PPARGC1A: variants seen among roughly 807,000 people sequenced by gnomAD.
PPARGC1A encodes the protein peroxisome proliferator-activated receptor gamma coactivator 1-alpha.
In PPARGC1A, 25 loss-of-function variants were observed where a neutral mutation model predicts 88.7. That is an observed-to-expected ratio of 0.28 (90% CI 0.21 to 0.39). The LOEUF is 0.39. Among genes scored for constraint, PPARGC1A ranks in the 10% least tolerant of loss-of-function variants. PPARGC1A has a pLI of 1.00. For missense variants in PPARGC1A, 880 were observed against 968.7 expected (o/e 0.91, Z 1.22); for synonymous variants, 363 against 355.6 (o/e 1.02, Z -0.24).
chr4:23,952,066 C>A, the PPARGC1A span, among the ~76,000 whole-genome samples: 1 of 152,066 alleles, frequency 6.6e-6, no homozygotes, highest in African/African-American at 2.4e-5. Context: ...CCGATTGAGG[C>A]TATTGTACAA....
intron 7 of PPARGC1A, among the ~76,000 whole-genome samples, chr4:23,817,090 T>C (rs1288500055): frequency 6.6e-6 from 1 of 152,146 alleles, no homozygotes; most frequent in African/African-American, 2.4e-5. Flanking sequence ...GGTATACATA[T>C]CTTGACAGAT....
the PPARGC1A span, among the ~76,000 whole-genome samples, chr4:24,397,824 A>T: frequency 1.4e-4 from 22 of 152,376 alleles, no homozygotes; most frequent in African/African-American, 5.3e-4. Flanking sequence ...TTTGCTTAAA[A>T]CAGCGAGATG....
the PPARGC1A span, among the ~76,000 whole-genome samples, chr4:24,295,574 A>G: frequency 6.6e-6 from 1 of 151,924 alleles, no homozygotes; most frequent in African/African-American, 2.4e-5. Context: ...AGCAAGATTA[A>G]CAGGGTAGCT....
At chr4:24,049,445 G>C in the PPARGC1A span, among the ~76,000 whole-genome samples, 2 of 151,352 alleles carry the variant, frequency 1.3e-5, no homozygotes, top group African/African-American at 4.9e-5. Flanking sequence ...ATAGAATGGA[G>C]GGATAAGTCA....
the PPARGC1A span, among the ~76,000 whole-genome samples, chr4:24,387,797 AAAG>A: frequency 8.8e-6 from 1 of 113,206 alleles, no homozygotes; most frequent in African/African-American, 2.9e-5. Flanking sequence ...AGAAAGAAAG[AAAG>A]AAAGAAAGAA....
the PPARGC1A span, among the ~76,000 whole-genome samples, chr4:23,956,298 G>A: frequency 6.6e-6 from 1 of 152,036 alleles, no homozygotes; most frequent in Non-Finnish European, 1.5e-5. Context: ...CAATAGGTCT[G>A]AGGTGGGGTT....
rs35441966 is a variant in PPARGC1A, at chr4:23,818,675, T to TA, written c.878-4071dup. On this transcript the variant is annotated intron_variant, in intron 7 of 12. Transcript: ENST00000264867. ...CATCTTTTTAAACAGCCCTTTTATT[T>TA]AAAAAAAAAAGGCAAAGACAAGTTT... Among the ~76,000 whole-genome samples, 684 of 147,286 alleles carry TA rather than the reference T, an allele frequency of 4.6e-3. 14 individuals carry two copies. The East Asian group carries it at 0.055, about 12-fold the overall frequency.
chr4:24,139,035 C>T, the PPARGC1A span, among the ~76,000 whole-genome samples: 12 of 152,130 alleles, frequency 7.9e-5, no homozygotes, highest in Non-Finnish European at 1.6e-4. Flanking sequence ...TGGAGTTCTT[C>T]AGTGCAGTTT....
chr4:24,215,451 T>A, the PPARGC1A span, among the ~76,000 whole-genome samples: 1 of 152,072 alleles, frequency 6.6e-6, no homozygotes, highest in African/African-American at 2.4e-5. Flanking sequence ...GAAAAAAAAA[T>A]TATTTGGAAT....
the PPARGC1A span, among the ~76,000 whole-genome samples, chr4:24,444,734 C>T: frequency 5.3e-5 from 8 of 152,040 alleles, no homozygotes; most frequent in African/African-American, 1.9e-4. Context: ...GAATATTAGA[C>T]GAGCAAGTGA....
the PPARGC1A span, among the ~76,000 whole-genome samples, chr4:23,961,974 T>C: frequency 6.6e-6 from 1 of 152,092 alleles, no homozygotes; most frequent in Non-Finnish European, 1.5e-5. Flanking sequence ...CCAATAAAGA[T>C]AATGAGCATT....
chr4:24,460,699 C>T, the PPARGC1A span, among the ~76,000 whole-genome samples: 28 of 152,108 alleles, frequency 1.8e-4, no homozygotes, highest in African/African-American at 4.8e-5. Flanking sequence ...GCTATGTAAC[C>T]CTCTTCGTTT....
chr4:24,381,289 C>T, the PPARGC1A span, among the ~76,000 whole-genome samples: 3 of 152,214 alleles, frequency 2.0e-5, no homozygotes, highest in Admixed American at 6.5e-5. Context: ...GTAGCATGAA[C>T]AGGAGCTTAT....
chr4:23,930,281 T>C, the PPARGC1A span, among the ~76,000 whole-genome samples: 1 of 152,180 alleles, frequency 6.6e-6, no homozygotes, highest in Non-Finnish European at 1.5e-5. Flanking sequence ...AGCCCTCACA[T>C]TGTACCATTA....
At chr4:24,213,078 C>T in the PPARGC1A span, among the ~76,000 whole-genome samples, 2 of 151,910 alleles carry the variant, frequency 1.3e-5, no homozygotes, top group Non-Finnish European at 2.9e-5. Flanking sequence ...GTCTTCATGT[C>T]ATGCTTCTAA....
At chr4:24,445,023 A>C in the PPARGC1A span, among the ~76,000 whole-genome samples, 1 of 152,054 alleles carries the variant, frequency 6.6e-6, no homozygotes, top group Non-Finnish European at 1.5e-5. Flanking sequence ...CTTGCACTCC[A>C]GCCTGGGCAA....
chr4:24,153,117 A>C, the PPARGC1A span, among the ~76,000 whole-genome samples: 1 of 152,320 alleles, frequency 6.6e-6, no homozygotes, highest in African/African-American at 2.4e-5. Context: ...TGCAGAACTC[A>C]GATTCAGAGA....
At chr4:23,798,118 A>G (rs890242403) in intron 12 of PPARGC1A, among the ~76,000 whole-genome samples, 7 of 151,898 alleles carry the variant, frequency 4.6e-5, no homozygotes, top group African/African-American at 1.7e-4. Flanking sequence ...CAAATCTTAT[A>G]CAACGGCCCC....
chr4:24,317,752 T>A, the PPARGC1A span, among the ~76,000 whole-genome samples: 1 of 151,542 alleles, frequency 6.6e-6, no homozygotes, highest in Non-Finnish European at 1.5e-5. Flanking sequence ...CAGACAAGCA[T>A]CCACCTATAC....
Sources: gnomAD v4.1 joint callset for allele counts (sites outside exome capture counted in the v4.1 genomes callset) on GRCh38, gnomAD v4.1.1 for gene constraint, MANE v1.5 for transcripts, NCBI Gene and HGNC (gene_info 2026-07-23, HGNC 2026-07-21) for gene names.